The following ACVR2A variants were observed in gnomAD, a reference collection of about 807,000 sequenced individuals.
ACVR2A encodes the protein activin A receptor type 2A.
Under a neutral mutation model 61.4 loss-of-function variants are expected in ACVR2A, and 7 were observed. The observed-to-expected ratio is 0.11, with a 90% CI of 0.06 to 0.21. The LOEUF (loss-of-function observed/expected upper bound fraction) is 0.21. ACVR2A is among the 10% of genes least tolerant of loss of function. The pLI is 1.00. For missense variants in ACVR2A, 322 were observed against 621.7 expected (o/e 0.52, Z 5.13); for synonymous variants, 193 against 208.3 (o/e 0.93, Z 0.63).
At chr2:147,917,118 A>G (rs1288232013) in intron 5 of ACVR2A, among the ~76,000 whole-genome samples, 165 bp from the exon 6 acceptor site, 1 of 151,962 alleles carries the variant, frequency 6.6e-6, no homozygotes, top group African/African-American at 2.4e-5. Context: ...AAATTTGTTA[A>G]CCTATTGTCA....
chr2:147,927,237 CAAATGTTGACTTTCCTCCCA>C lies in ACVR2A; in HGVS notation c.1508_1527del (p.Asn503ArgfsTer3). ...ATTGTAACAGTGGTCACAATGGTGA[CAAATGTTGACTTTCCTCCCA>C]AAGAATCTAGTCTATGATGGTTGCG... On this transcript the variant is annotated frameshift_variant, in exon 11 of 11. Transcript: ENST00000241416. LOFTEE classifies it high-confidence loss of function. 6.2e-7 allele frequency: 1 copy of C among 1,611,534 alleles called. No individual in the cohort carries two copies. Among genetic ancestry groups the C allele is most frequent in the Non-Finnish European group, 8.5e-7 (1 of 1,178,492 alleles).
At chr2:147,918,421 GT>G (rs780230573) in intron 6 of ACVR2A, 25 bp from the exon 7 acceptor site, 2 of 1,592,122 alleles carry the variant, frequency 1.3e-6, no homozygotes, top group South Asian at 2.3e-5. Flanking sequence ...AAGAACATAA[GT>G]TTCTTTTTTT....
Position 147,896,297 on chromosome 2 carries a change from A to G in ACVR2A, c.56-4A>G. 1 of 1,609,832 alleles carries G rather than the reference A, an allele frequency of 6.2e-7. No homozygotes were observed. The highest frequency in any genetic ancestry group is 8.5e-7 in the Non-Finnish European group (1 of 1,176,618). On this transcript the variant is annotated splice_region_variant and splice_polypyrimidine_tract_variant and intron_variant, in intron 1 of 10. Coordinates refer to ENST00000241416, the MANE Select transcript of ACVR2A (RefSeq NM_001616.5). ...GTTATATTATTGTTTTTATTATCTT[A>G]TAGGTGCTATACTTGGTAGATCAGA... is the stretch of plus-strand genomic sequence containing the variant.
At chr2:147,863,083 G>A (rs533898250) in intron 1 of ACVR2A, among the ~76,000 whole-genome samples, 5 of 152,264 alleles carry the variant, frequency 3.3e-5, no homozygotes, top group Admixed American at 3.3e-4. Context: ...ATGTAATTAA[G>A]TAAGTAGCAG....
intron 1 of ACVR2A, chr2:147,877,534 A>AT (rs1686190075): frequency 6.6e-6 from 1 of 152,228 alleles, no homozygotes; most frequent in Admixed American, 6.5e-5. Flanking sequence ...AAAGAAAGAT[A>AT]TATCACCTTG....
At chr2:147,873,177 T>C (rs992983459) in intron 1 of ACVR2A, among the ~76,000 whole-genome samples, 1 of 151,900 alleles carries the variant, frequency 6.6e-6, no homozygotes, top group African/African-American at 2.4e-5. Context: ...AATGAGGTCA[T>C]TGGGACAATC....
intron 1 of ACVR2A, among the ~76,000 whole-genome samples, chr2:147,857,106 C>A (rs1331569359): frequency 6.6e-6 from 1 of 152,108 alleles, no homozygotes; most frequent in African/African-American, 2.4e-5. Context: ...ACTACTCAAG[C>A]TGATCCTCAC....
intron 1 of ACVR2A, among the ~76,000 whole-genome samples, chr2:147,848,167 A>C (rs1000372553): frequency 7.2e-5 from 11 of 152,226 alleles, no homozygotes; most frequent in Non-Finnish European, 1.6e-4. Flanking sequence ...CAAGTGATGG[A>C]TGATAAATAC....
At chr2:147,870,481 T>C (rs17742246) in intron 1 of ACVR2A, among the ~76,000 whole-genome samples, 1 of 152,106 alleles carries the variant, frequency 6.6e-6, no homozygotes, top group African/African-American at 2.4e-5. Context: ...AGATGTCACA[T>C]TTCGTACAAT....
chr2:147,879,980 T>A (rs1686258452), intron 1 of ACVR2A, among the ~76,000 whole-genome samples: 1 of 152,178 alleles, frequency 6.6e-6, no homozygotes, highest in African/African-American at 2.4e-5. Flanking sequence ...TTTTTTGTTG[T>A]TGTTTCAATT....
chr2:147,890,422 A>T (rs1471268306), intron 1 of ACVR2A, among the ~76,000 whole-genome samples: 6 of 151,468 alleles, frequency 4.0e-5, no homozygotes, highest in Non-Finnish European at 8.8e-5. Flanking sequence ...TATATAGTGT[A>T]TGTATGTGTA....
At position 147,885,719 on chromosome 2, in the gene ACVR2A, A is replaced by G. The variant is rs188254604; in HGVS notation, c.56-10582A>G. On this transcript the variant is annotated intron_variant, in intron 1 of 10. Transcript: ENST00000241416. ...CATGATACTTACAGGTCACTCAAAA[A>G]GAAAGTAACGAGATGATACTTGGTG... Among the ~76,000 whole-genome samples, 17 of 152,282 alleles carry G rather than the reference A, an allele frequency of 1.1e-4. No individual in the cohort carries two copies. The East Asian group carries it at 3.3e-3, about 29-fold the overall frequency.
intron 1 of ACVR2A, among the ~76,000 whole-genome samples, chr2:147,848,412 A>C (rs1685368860): frequency 6.6e-6 from 1 of 152,068 alleles, no homozygotes; most frequent in African/African-American, 2.4e-5. Context: ...TTTGGTTGTC[A>C]CAACAGGGGA....
At chr2:147,883,764 A>G (rs1434054348) in intron 1 of ACVR2A, among the ~76,000 whole-genome samples, 1 of 152,142 alleles carries the variant, frequency 6.6e-6, no homozygotes, top group African/African-American at 2.4e-5. Flanking sequence ...TAAATGACCA[A>G]ATATTGCTTT....
intron 1 of ACVR2A, among the ~76,000 whole-genome samples, chr2:147,889,991 A>C (rs1026487907): frequency 2.0e-5 from 3 of 151,862 alleles, no homozygotes; most frequent in Non-Finnish European, 2.9e-5. Flanking sequence ...AGAATTTGGA[A>C]ATTGAATCAA....
chr2:147,854,311 A>G (rs1295567992), intron 1 of ACVR2A, among the ~76,000 whole-genome samples: 1 of 152,196 alleles, frequency 6.6e-6, no homozygotes, highest in Non-Finnish European at 1.5e-5. Flanking sequence ...AATCGTCTCT[A>G]TTTATTAGTG....
chr2:147,858,284 A>T (rs1420586177), intron 1 of ACVR2A, among the ~76,000 whole-genome samples: 2 of 152,166 alleles, frequency 1.3e-5, no homozygotes, highest in African/African-American at 4.8e-5. Flanking sequence ...GTAGAGAGTA[A>T]TAGGAAGGAT....
chr2:147,869,155 G>T (rs79669104), intron 1 of ACVR2A, among the ~76,000 whole-genome samples: 512 of 151,920 alleles, frequency 3.4e-3, no homozygotes, highest in East Asian at 8.3e-3. Context: ...TTTAATATTA[G>T]AAAATATTCT....
intron 1 of ACVR2A, among the ~76,000 whole-genome samples, chr2:147,845,482 C>T (rs993663495): frequency 6.6e-6 from 1 of 151,842 alleles, no homozygotes; most frequent in Non-Finnish European, 1.5e-5. Flanking sequence ...TGTTTTGTGG[C>T]CATAACACTG....
Sources: gnomAD v4.1 joint callset for allele counts (sites outside exome capture counted in the v4.1 genomes callset) on GRCh38, gnomAD v4.1.1 for gene constraint, MANE v1.5 for transcripts, NCBI Gene and HGNC (gene_info 2026-07-23, HGNC 2026-07-21) for gene names.